Variants in FNDC3A observed in about 807,000 individuals in gnomAD.
The protein encoded by FNDC3A is fibronectin type III domain containing 3A, also known as fibronectin type-III domain-containing protein 3A.
A neutral mutation model predicts 148.9 loss-of-function variants in FNDC3A; 32 were observed. That is an observed-to-expected ratio of 0.21 (90% confidence interval 0.16 to 0.29). The LOEUF is 0.29. Among genes scored for constraint, FNDC3A ranks in the 10% least tolerant of loss-of-function variants. The pLI is 1.00. For synonymous variants in FNDC3A, 472 were observed against 473.6 expected (o/e 1.00, Z 0.04); for missense variants, 1,191 against 1,452.8 (o/e 0.82, Z 2.93).
chr13:49,168,276 T>C (rs116884584), intron 9 of FNDC3A, among the ~76,000 whole-genome samples: 1,775 of 152,338 alleles, frequency 0.012, 13 homozygotes, highest in Non-Finnish European at 0.019. Flanking sequence ...AATTTAATTC[T>C]GTGGGTTATA....
intron 8 of FNDC3A, among the ~76,000 whole-genome samples, chr13:49,152,624 C>A (rs1341372685): frequency 6.6e-6 from 1 of 151,956 alleles, no homozygotes; most frequent in East Asian, 1.9e-4. Flanking sequence ...ACCACTAACT[C>A]GTCATCTAGC....
chr13:49,018,354 A>G (rs1315332127), intron 2 of FNDC3A, among the ~76,000 whole-genome samples: 2 of 151,962 alleles, frequency 1.3e-5, no homozygotes, highest in African/African-American at 4.8e-5. Context: ...CATTCACTTC[A>G]TCTTCCATCG....
chr13:49,184,947 G>A (rs915768652), intron 14 of FNDC3A, among the ~76,000 whole-genome samples: 1 of 150,022 alleles, frequency 6.7e-6, no homozygotes, highest in African/African-American at 2.4e-5. Context: ...CAGAGCATAA[G>A]GGGGAGGGGG....
chr13:49,101,498 C>G (rs1879851375), intron 3 of FNDC3A, among the ~76,000 whole-genome samples: 1 of 152,088 alleles, frequency 6.6e-6, no homozygotes, highest in Admixed American at 6.6e-5. Flanking sequence ...CTTTGTTTAG[C>G]TGAACGAGTC....
At chr13:49,050,023 T>C (rs1460185471) in intron 2 of FNDC3A, among the ~76,000 whole-genome samples, 2 of 152,212 alleles carry the variant, frequency 1.3e-5, no homozygotes, top group Non-Finnish European at 2.9e-5. Context: ...AACAGCCTTC[T>C]CTCTTCTTTT....
intron 1 of FNDC3A, among the ~76,000 whole-genome samples, chr13:48,987,251 A>AT (rs2137557875): frequency 6.6e-6 from 1 of 152,358 alleles, no homozygotes; most frequent in African/African-American, 2.4e-5. Flanking sequence ...CTAGAGCTAT[A>AT]TGTGGAACTT....
At chr13:49,115,904 G>A (rs1221556978) in intron 4 of FNDC3A, among the ~76,000 whole-genome samples, 3 of 152,144 alleles carry the variant, frequency 2.0e-5, no homozygotes, top group Non-Finnish European at 4.4e-5. Context: ...CCACTGATAA[G>A]ATTTACTACA....
At chr13:49,015,442 T>C (rs996695294) in intron 2 of FNDC3A, among the ~76,000 whole-genome samples, 44 of 152,234 alleles carry the variant, frequency 2.9e-4, no homozygotes, top group Non-Finnish European at 5.7e-4. Context: ...TTTTTGTACA[T>C]TGATTTTGTA....
intron 3 of FNDC3A, among the ~76,000 whole-genome samples, chr13:49,092,851 T>A (rs1361086419): frequency 1.3e-5 from 2 of 152,218 alleles, no homozygotes; most frequent in Non-Finnish European, 2.9e-5. Context: ...TTGGTCTATA[T>A]TGTTATTTGT....
intron 16 of FNDC3A, chr13:49,187,695 G>C (rs2138097189): frequency 5.2e-6 from 8 of 1,525,534 alleles, no homozygotes; most frequent in East Asian, 2.3e-5. Flanking sequence ...CTCTGCGAAA[G>C]GCACAGAAAC....
chr13:48,986,549 C>T (rs928448997), intron 1 of FNDC3A, among the ~76,000 whole-genome samples: 2 of 151,766 alleles, frequency 1.3e-5, no homozygotes, highest in African/African-American at 4.8e-5. Flanking sequence ...GCACGTGCCA[C>T]CACACCCGGC....
chr13:49,050,011 C>T lies in FNDC3A; in HGVS notation c.100-25278C>T, dbSNP rs556595852. Among the ~76,000 whole-genome samples, 60 of 152,292 alleles carry T rather than the reference C, an allele frequency of 3.9e-4. 2 individuals are homozygous for T. The highest frequency in any genetic ancestry group is 2.5e-3 in the South Asian group (12 of 4,826). Reference sequence around the variant, plus strand: ...CTGAGATTATAGGCGTGAGCCACGGCGAACAGCCTTCTCTCTTCTTTTCTT... The same window carrying T: ...CTGAGATTATAGGCGTGAGCCACGGTGAACAGCCTTCTCTCTTCTTTTCTT... On this transcript the variant is annotated intron_variant, in intron 2 of 25. Coordinates refer to ENST00000492622, the MANE Select transcript of FNDC3A (RefSeq NM_001079673.2).
At chr13:48,994,544 C>G (rs745803540) in intron 1 of FNDC3A, among the ~76,000 whole-genome samples, 5 of 152,070 alleles carry the variant, frequency 3.3e-5, no homozygotes, top group Non-Finnish European at 7.4e-5. Context: ...TTTGGGAGGC[C>G]GACGCGGGCA....
chr13:49,064,424 A>G (rs1473387510), intron 2 of FNDC3A, among the ~76,000 whole-genome samples: 9 of 136,726 alleles, frequency 6.6e-5, no homozygotes, highest in Admixed American at 3.0e-4. Flanking sequence ...AAAAAAAACA[A>G]CAAGGGGTTT....
intron 3 of FNDC3A, among the ~76,000 whole-genome samples, chr13:49,079,987 A>G (rs886232631): frequency 2.0e-5 from 3 of 152,066 alleles, no homozygotes; most frequent in Non-Finnish European, 4.4e-5. Context: ...TATAGAGTTG[A>G]GTTCTCACTG....
chr13:49,055,486 A>G (rs968823668), intron 2 of FNDC3A, among the ~76,000 whole-genome samples: 14 of 152,128 alleles, frequency 9.2e-5, no homozygotes, highest in African/African-American at 3.4e-4. Context: ...GCCAACCAGC[A>G]TTTAACATCA....
At chr13:49,139,256 G>C (rs1384266186) in intron 7 of FNDC3A, among the ~76,000 whole-genome samples, 1 of 152,142 alleles carries the variant, frequency 6.6e-6, no homozygotes, top group Non-Finnish European at 1.5e-5. Context: ...AGCATGGGGA[G>C]TTGGACAGAG....
intron 14 of FNDC3A, among the ~76,000 whole-genome samples, chr13:49,182,704 C>A (rs1432238873): frequency 1.3e-5 from 2 of 152,138 alleles, no homozygotes; most frequent in African/African-American, 4.8e-5. Flanking sequence ...TTCTATCTGG[C>A]TCCGTTAACT....
At chr13:49,110,890 G>A in intron 3 of FNDC3A, among the ~76,000 whole-genome samples, 1 of 152,182 alleles carries the variant, frequency 6.6e-6, no homozygotes, top group East Asian at 1.9e-4. Context: ...TTAAGAAGCA[G>A]GGGTGGGGAG....
Sources: allele counts gnomAD v4.1 joint callset (sites outside exome capture counted in the v4.1 genomes callset), GRCh38; gene constraint gnomAD v4.1.1; transcripts MANE v1.5; gene names NCBI Gene and HGNC (gene_info 2026-07-23, HGNC 2026-07-21).